The following C8orf48 variants were observed in gnomAD, a reference collection of about 807,000 sequenced individuals.
C8orf48 encodes the protein uncharacterized protein C8orf48.
For missense variants in C8orf48, 580 were observed against 363.3 expected (o/e 1.60, Z -4.85); for synonymous variants, 188 against 138.2 (o/e 1.36, Z -2.53).
In C8orf48 at chr8:13,568,233, C is replaced by T. The variant is rs908341217; in HGVS notation, c.*282C>T. 4 of 289,994 alleles carry T rather than the reference C, an allele frequency of 1.4e-5. No homozygotes were observed. The highest frequency in any genetic ancestry group is 2.7e-5 in the Non-Finnish European group (4 of 147,968). The allele number at this position is 289,994 out of a possible 1,614,324, so 18.0% of individuals were successfully genotyped here. ...GAGAAACTTAAAAAGTAATAACTGT[C>T]TTTGGCGATCAAATGGCTATGGGGA... On this transcript the variant is annotated 3_prime_UTR_variant, in exon 1 of 1. Coordinates refer to ENST00000297324, the MANE Select transcript of C8orf48 (RefSeq NM_001007090.3).
At position 13,567,793 on chromosome 8, in the gene C8orf48, A is replaced by G. The variant is rs146773735; in HGVS notation, c.802A>G (p.Lys268Glu). 23 of 1,551,886 alleles carry G rather than the reference A, an allele frequency of 1.5e-5. 1 individual carries two copies. Among genetic ancestry groups the G allele is most frequent in the African/African-American group, 1.4e-4 (10 of 73,184 alleles). Residue 268 changes from lysine (K) to glutamate (E), a missense_variant, in exon 1 of 1, where the codon AAA becomes GAA. Lys to Glu is a moderately conservative substitution (Grantham distance 56). Transcript: ENST00000297324. ...PRIIWKRLTE[K>E]SHIRYSGFER... ...AATAATCTGGAAAAGACTGACTGAG[A>G]AAAGTCATATCAGATACTCTGGTTT... is the stretch of plus-strand genomic sequence containing the variant.
Position 13,568,065 on chromosome 8 carries a change from C to A in C8orf48, c.*114C>A, listed in dbSNP as rs939776976. On this transcript the variant is annotated 3_prime_UTR_variant, in exon 1 of 1. Transcript: ENST00000297324. ...CCTTCACAGATTTGAGGACTAAGAACTTTCACTTTTTTTTTCCTATTATAG... is the reference window on the plus strand; with the variant it reads ...CCTTCACAGATTTGAGGACTAAGAAATTTCACTTTTTTTTTCCTATTATAG... 5.8e-6 allele frequency: 7 copies of A among 1,201,610 alleles called. No homozygotes were observed. In the African/African-American group the frequency reaches 9.3e-5, roughly 16 times the overall value. The allele number at this position is 1,201,610 out of a possible 1,614,324, so 74.4% of individuals were successfully genotyped here. A position where few individuals can be genotyped will look rare whatever the true frequency, so the allele number is the denominator to read the frequency against.
chr8:13,567,844 T>A lies in C8orf48; in HGVS notation c.853T>A (p.Leu285Met), dbSNP rs11203497. ...TGAAAGATCAGAGACAGAGCAGAAG[T>A]TGCAGCGAGATGGAAATAGTGCTTG... ...GFERSETEQK[L>M]QRDGNSACHL... The change falls in exon 1 of 1, where the codon TTG becomes ATG. Residue 285 changes from leucine to methionine, a missense_variant. Transcript: ENST00000297324. 1 allele frequency: 1,547,918 copies of A among 1,551,878 alleles called. 772,080 individuals are homozygous for A. Among genetic ancestry groups the A allele is most frequent in the East Asian group, 1 (40,916 of 40,916 alleles).
In C8orf48 at chr8:13,567,738, A is replaced by C; in HGVS notation, c.747A>C (p.Gln249His). 1.3e-6 allele frequency: 2 copies of C among 1,552,118 alleles called. No homozygotes were observed. Among genetic ancestry groups the C allele is most frequent in the Non-Finnish European group, 1.7e-6 (2 of 1,147,092 alleles). ...TCACCCGTATTGGAGAAGCACATCAAGACTTTCCCAGGCTTTCAGATGACC... is the reference window on the plus strand; with the variant it reads ...TCACCCGTATTGGAGAAGCACATCACGACTTTCCCAGGCTTTCAGATGACC... ...DFLTRIGEAH[Q>H]DFPRLSDDPR... The change falls in exon 1 of 1, where the codon CAA (glutamine) becomes CAC (histidine). Residue 249 changes from glutamine to histidine, a missense_variant. Gln to His is a conservative substitution (Grantham distance 24). Coordinates refer to ENST00000297324, the MANE Select transcript of C8orf48 (RefSeq NM_001007090.3).
rs1273725177 is a variant in C8orf48 at position 13,567,203 on chromosome 8, C to A, written c.212C>A (p.Ser71Tyr). The stretch of plus-strand genomic sequence containing the variant: ...AGCTTGGAACAAGGAGACACACAAT[C>A]TGAGCTTTTGGACTATAAAAATTAT... The part of the protein sequence containing the change: ...TPSLEQGDTQ[S>Y]ELLDYKNYEK... Residue 71 changes from serine (S) to tyrosine (Y), a missense_variant, in exon 1 of 1, where the codon TCT becomes TAT. Transcript: ENST00000297324. 3 of 1,551,626 alleles carry A rather than the reference C, an allele frequency of 1.9e-6. No individual in the cohort carries two copies. In the East Asian group the frequency reaches 7.3e-5, roughly 38 times the overall value.
chr8:13,567,933 T>A lies in C8orf48; in HGVS notation c.942T>A (p.Ile314=). The A allele has an allele frequency of 8.4e-6, 13 of 1,548,336 alleles. No homozygotes were observed. The highest frequency in any genetic ancestry group is 1.1e-5 in the Non-Finnish European group (13 of 1,145,456). ...CTCTAATCAAACCAGAGCTGGTGATTGTTAATGATAATGTGTAATGTGGAT... is the reference window on the plus strand; with the variant it reads ...CTCTAATCAAACCAGAGCTGGTGATAGTTAATGATAATGTGTAATGTGGAT... ...RLTLIKPELV[I]VNDNV Residue 314 remains isoleucine, a synonymous_variant, in exon 1 of 1, where the codon ATT becomes ATA. Transcript: ENST00000297324.
chr8:13,567,437 A>G lies in C8orf48; in HGVS notation c.446A>G (p.Lys149Arg). ...SKKKTSSRHK[K>R]LHLGLDVEAS... is the part of the protein sequence containing the mutation. Reference sequence around the variant, plus strand: ...AAGAAGACGAGCAGCAGACATAAAAAGCTGCATCTTGGATTGGATGTAGAG... The same window carrying G: ...AAGAAGACGAGCAGCAGACATAAAAGGCTGCATCTTGGATTGGATGTAGAG... The change falls in exon 1 of 1, where the codon AAG (lysine) becomes AGG (arginine). Residue 149 changes from lysine to arginine, a missense_variant. By Grantham distance (26) the Lys-to-Arg change is conservative. Coordinates refer to ENST00000297324, the MANE Select transcript of C8orf48 (RefSeq NM_001007090.3). 6.4e-7 allele frequency: 1 copy of G among 1,552,070 alleles called. No individual in the cohort carries two copies. Among genetic ancestry groups the G allele is most frequent in the Non-Finnish European group, 8.7e-7 (1 of 1,147,072 alleles).
Position 13,567,320 on chromosome 8 carries a change from A to G in C8orf48, c.329A>G (p.Glu110Gly), listed in dbSNP as rs1386171379. ...CAACCAGACACCAAACTTCCAACAGAAATCACTCGGGTATCAGATGAAGAA... is the reference window on the plus strand; with the variant it reads ...CAACCAGACACCAAACTTCCAACAGGAATCACTCGGGTATCAGATGAAGAA... ...RHQPDTKLPT[E>G]ITRVSDEELN... The change falls in exon 1 of 1, where the codon GAA (glutamate) becomes GGA (glycine). Residue 110 changes from glutamate to glycine, a missense_variant. Transcript: ENST00000297324. The G allele has an allele frequency of 6.4e-7, 1 of 1,551,614 alleles. No homozygotes were observed. Among genetic ancestry groups the G allele is most frequent in the Non-Finnish European group, 8.7e-7 (1 of 1,147,040 alleles).
Position 13,568,085 on chromosome 8 carries a change from T to G in C8orf48, c.*134T>G, listed in dbSNP as rs905211465. On this transcript the variant is annotated 3_prime_UTR_variant, in exon 1 of 1. Transcript: ENST00000297324. ...AAGAACTTTCACTTTTTTTTTCCTA[T>G]TATAGAAGGCACTGTTGTAGTTGGA... is the stretch of plus-strand genomic sequence containing the variant. The G allele has an allele frequency of 5.2e-6, 5 of 963,300 alleles. No individual in the cohort carries two copies. The highest frequency in any genetic ancestry group is 6.0e-6 in the Non-Finnish European group (4 of 662,938). The allele number at this position is 963,300 out of a possible 1,614,324, so 59.7% of individuals were successfully genotyped here.
In C8orf48 at chr8:13,567,164, A is replaced by G. The variant is rs1400337935; in HGVS notation, c.173A>G (p.Glu58Gly). 6.4e-7 allele frequency: 1 copy of G among 1,551,804 alleles called. No individual in the cohort carries two copies. Residue 58 changes from glutamate (E) to glycine (G), a missense_variant, in exon 1 of 1, where the codon GAA becomes GGA. Glu to Gly is a moderately conservative substitution (Grantham distance 98). Transcript: ENST00000297324. The part of the protein sequence containing the change: ...PLTSGSKLER[E>G]KQTPSLEQGD... ...ACCTCTGGGAGCAAACTGGAGAGGG[A>G]AAAGCAGACTCCAAGCTTGGAACAA...
At position 13,567,414 on chromosome 8, in the gene C8orf48, G is replaced by C; in HGVS notation, c.423G>C (p.Lys141Asn). 6.4e-7 allele frequency: 1 copy of C among 1,551,836 alleles called. No homozygotes were observed. Among genetic ancestry groups the C allele is most frequent in the Non-Finnish European group, 8.7e-7 (1 of 1,147,044 alleles). The stretch of plus-strand genomic sequence containing the variant: ...TTCATCGTAGAGGGGATTCTAAGAA[G>C]AAGACGAGCAGCAGACATAAAAAGC... ...NLIHRRGDSK[K>N]KTSSRHKKLH... Residue 141 changes from lysine (K) to asparagine (N), a missense_variant, in exon 1 of 1, where the codon AAG becomes AAC. Lys to Asn is a moderately conservative substitution (Grantham distance 94, BLOSUM62 0). Coordinates refer to ENST00000297324, the MANE Select transcript of C8orf48 (RefSeq NM_001007090.3).
rs1804496873 is a variant in C8orf48, at chr8:13,567,631, T to G, written c.640T>G (p.Phe214Val). 1 of 1,551,564 alleles carries G rather than the reference T, an allele frequency of 6.4e-7. No individual in the cohort carries two copies. The highest frequency in any genetic ancestry group is 1.4e-5 in the African/African-American group (1 of 73,026). The change falls in exon 1 of 1, where the codon TTT becomes GTT. Residue 214 changes from phenylalanine (F) to valine (V), a missense_variant. By Grantham distance (50) the Phe-to-Val change is conservative. Coordinates refer to ENST00000297324, the MANE Select transcript of C8orf48 (RefSeq NM_001007090.3). Reference protein sequence around the residue: ...RKRAELALSAFLKQKKTLLES... With the variant: ...RKRAELALSAVLKQKKTLLES... ...AAGAGCGGAGCTGGCCCTGTCTGCC[T>G]TTCTGAAACAAAAGAAGACTTTACT...
Position 13,567,060 on chromosome 8 carries a change from G to T in C8orf48, c.69G>T (p.Glu23Asp), listed in dbSNP as rs1804462816. The change falls in exon 1 of 1, where the codon GAG becomes GAT. Residue 23 changes from glutamate to aspartate, a missense_variant. Glu to Asp is a conservative substitution (Grantham distance 45, BLOSUM62 2). Transcript: ENST00000297324. ...TTGCAAACCTTTCTGATGAGACTGA[G>T]ACTTTGAAGAACTCTACTGATGAGG... ...SALANLSDET[E>D]TLKNSTDEVQ... 2 of 1,551,730 alleles carry T rather than the reference G, an allele frequency of 1.3e-6. No homozygotes were observed. The highest frequency in any genetic ancestry group is 1.7e-4 in the Middle Eastern group (1 of 5,992).
Position 13,567,205 on chromosome 8 carries a change from G to C in C8orf48, c.214G>C (p.Glu72Gln). 2 of 1,551,734 alleles carry C rather than the reference G, an allele frequency of 1.3e-6. No homozygotes were observed. Among genetic ancestry groups the C allele is most frequent in the Non-Finnish European group, 1.7e-6 (2 of 1,147,000 alleles). ...CTTGGAACAAGGAGACACACAATCT[G>C]AGCTTTTGGACTATAAAAATTATGA... is the stretch of plus-strand genomic sequence containing the variant. ...PSLEQGDTQS[E>Q]LLDYKNYEKK... Residue 72 changes from glutamate (E) to glutamine (Q), a missense_variant, in exon 1 of 1, where the codon GAG becomes CAG. By Grantham distance (29) the Glu-to-Gln change is conservative. Transcript: ENST00000297324.
rs1411581908 is a variant in C8orf48, at chr8:13,567,655, C to T, written c.664C>T (p.Leu222=). Reference sequence around the variant, plus strand: ...CTTTCTGAAACAAAAGAAGACTTTACTGGAGTCATTTCTACTCCAAGAGAG... The same window carrying T: ...CTTTCTGAAACAAAAGAAGACTTTATTGGAGTCATTTCTACTCCAAGAGAG... ...SAFLKQKKTL[L]ESFLLQERID... is the part of the protein sequence containing the mutation. The change falls in exon 1 of 1, where the codon CTG becomes TTG. Residue 222 remains leucine, a synonymous_variant. Coordinates refer to ENST00000297324, the MANE Select transcript of C8orf48 (RefSeq NM_001007090.3). The T allele has an allele frequency of 6.4e-7, 1 of 1,551,804 alleles. No homozygotes were observed. The highest frequency in any genetic ancestry group is 8.7e-7 in the Non-Finnish European group (1 of 1,147,012).
At position 13,567,290 on chromosome 8, in the gene C8orf48, G is replaced by A; in HGVS notation, c.299G>A (p.Arg100Gln). Residue 100 changes from arginine (R) to glutamine (Q), a missense_variant, in exon 1 of 1, where the codon CGG (arginine) becomes CAG (glutamine). Coordinates refer to ENST00000297324, the MANE Select transcript of C8orf48 (RefSeq NM_001007090.3). The part of the protein sequence containing the change: ...YLKLKDSNFE[R>Q]HQPDTKLPTE... ...AAGCTCAAAGACTCTAACTTTGAAC[G>A]GCACCAACCAGACACCAAACTTCCA... 1.3e-6 allele frequency: 2 copies of A among 1,551,656 alleles called. No homozygotes were observed. The highest frequency in any genetic ancestry group is 2.4e-5 in the East Asian group (1 of 40,906).
At position 13,567,592 on chromosome 8, in the gene C8orf48, T is replaced by C; in HGVS notation, c.601T>C (p.Tyr201His). 2 of 1,551,778 alleles carry C rather than the reference T, an allele frequency of 1.3e-6. No individual in the cohort carries two copies. The highest frequency in any genetic ancestry group is 1.2e-5 in the South Asian group (1 of 84,068). The change falls in exon 1 of 1, where the codon TAT (tyrosine) becomes CAT (histidine). Residue 201 changes from tyrosine (Y) to histidine (H), a missense_variant. Coordinates refer to ENST00000297324, the MANE Select transcript of C8orf48 (RefSeq NM_001007090.3). Reference protein sequence around the residue: ...AKQHISYQCPYCNRKRAELAL... With the variant: ...AKQHISYQCPHCNRKRAELAL... ...GCAACACATATCTTATCAGTGTCCCTATTGTAACAGGAAAAGAGCGGAGCT... is the reference window on the plus strand; with the variant it reads ...GCAACACATATCTTATCAGTGTCCCCATTGTAACAGGAAAAGAGCGGAGCT...
Position 13,567,401 on chromosome 8 carries a change from G to A in C8orf48, c.410G>A (p.Gly137Glu). Residue 137 changes from glycine to glutamate, a missense_variant, in exon 1 of 1, where the codon GGG becomes GAG. Transcript: ENST00000297324. Reference protein sequence around the residue: ...TMKINLIHRRGDSKKKTSSRH... With the variant: ...TMKINLIHRREDSKKKTSSRH... ...AAGATAAATTTGATTCATCGTAGAG[G>A]GGATTCTAAGAAGAAGACGAGCAGC... 6.4e-7 allele frequency: 1 copy of A among 1,551,728 alleles called. No individual in the cohort carries two copies. Among genetic ancestry groups the A allele is most frequent in the Non-Finnish European group, 8.7e-7 (1 of 1,147,018 alleles).
Position 13,567,487 on chromosome 8 carries a change from T to A in C8orf48, c.496T>A (p.Cys166Ser). 1.9e-6 allele frequency: 3 copies of A among 1,552,106 alleles called. No individual in the cohort carries two copies. The highest frequency in any genetic ancestry group is 2.6e-6 in the Non-Finnish European group (3 of 1,147,076). Residue 166 changes from cysteine (C) to serine (S), a missense_variant, in exon 1 of 1, where the codon TGT becomes AGT. Cys to Ser is a moderately radical substitution (Grantham distance 112, BLOSUM62 -1). Coordinates refer to ENST00000297324, the MANE Select transcript of C8orf48 (RefSeq NM_001007090.3). ...VEASERDAFS[C>S]TVPDELLNRI... ...GGCTTCAGAGAGAGATGCCTTTAGT[T>A]GTACTGTACCCGATGAACTTTTGAA...
Sources: gnomAD v4.1 joint callset for allele counts on GRCh38, gnomAD v4.1.1 for gene constraint, MANE v1.5 for transcripts, NCBI Gene and HGNC (gene_info 2026-07-23, HGNC 2026-07-21) for gene names.